RALYL: variants seen among roughly 807,000 people sequenced by gnomAD.
RALYL encodes the protein RALY RNA binding protein like.
Under a neutral mutation model 35.1 loss-of-function variants are expected in RALYL, and 29 were observed. The observed-to-expected ratio is 0.83, with a 90% CI of 0.61 to 1.13. The LOEUF is 1.13. RALYL is among the 50% of genes most tolerant of loss of function. The probability of loss-of-function intolerance (pLI) is 0.00; values close to 1 mark genes in which losing one functional copy is unlikely to be tolerated. For missense variants in RALYL, 359 were observed against 360.4 expected (o/e 1.00, Z 0.03); for synonymous variants, 120 against 127.6 (o/e 0.94, Z 0.40).
At chr8:84,437,790 C>T (rs904316991) in intron 1 of RALYL, among the ~76,000 whole-genome samples, 1 of 151,960 alleles carries the variant, frequency 6.6e-6, no homozygotes, top group African/African-American at 2.4e-5. Flanking sequence ...CTTCTCCTTC[C>T]CCCTTTCTTT....
chr8:84,803,296 T>C (rs1254897812), intron 3 of RALYL, among the ~76,000 whole-genome samples: 1 of 152,204 alleles, frequency 6.6e-6, no homozygotes, highest in African/African-American at 2.4e-5. Context: ...GTGAACAATC[T>C]CCTGCATCAT....
intron 1 of RALYL, among the ~76,000 whole-genome samples, chr8:84,221,310 C>T (rs1294261789): frequency 1.3e-5 from 2 of 151,376 alleles, no homozygotes; most frequent in Admixed American, 6.6e-5. Flanking sequence ...TGTGCATGTG[C>T]GTGCAAAGAG....
intron 1 of RALYL, among the ~76,000 whole-genome samples, chr8:84,311,053 CAAAAAAAAAAAAAAAAAAAAAAA>C (rs34029529): frequency 5.3e-4 from 5 of 9,522 alleles, no homozygotes; most frequent in Admixed American, 2.0e-3. Flanking sequence ...GACTCCGTCT[CAAAAAAAAAAAAAAAAAAAAAAA>C]AAAAAAAAAA....
chr8:84,732,798 G>A (rs1206200812), intron 2 of RALYL, among the ~76,000 whole-genome samples: 6 of 151,544 alleles, frequency 4.0e-5, no homozygotes, highest in Non-Finnish European at 8.8e-5. Context: ...CCAGATTCAA[G>A]CGATTCTCCT....
At chr8:84,778,589 C>T (rs957066207) in intron 3 of RALYL, among the ~76,000 whole-genome samples, 2 of 152,204 alleles carry the variant, frequency 1.3e-5, no homozygotes, top group African/African-American at 4.8e-5. Context: ...AAGAAGACAA[C>T]ACTTGAGCTG....
chr8:84,743,116 C>T (rs1304195229), intron 2 of RALYL, among the ~76,000 whole-genome samples: 1 of 152,018 alleles, frequency 6.6e-6, no homozygotes, highest in African/African-American at 2.4e-5. Flanking sequence ...TGCAGCGCTT[C>T]TGATAGCTGT....
intron 2 of RALYL, among the ~76,000 whole-genome samples, chr8:84,559,135 C>T (rs1343560758): frequency 9.3e-5 from 14 of 151,298 alleles, no homozygotes; most frequent in African/African-American, 3.4e-4. Flanking sequence ...TTTTAAATTA[C>T]TGAGTGATAT....
rs548832952 is a variant in RALYL at position 84,817,271 on chromosome 8, A to G, written c.365+12469A>G. On this transcript the variant is annotated intron_variant, in intron 4 of 8. Coordinates refer to ENST00000521268, the MANE Select transcript of RALYL (RefSeq NM_173848.7). ...TTCAATATACTTCTGCTGTTATGAA[A>G]ACTTTATTAAACCTTGATGTTCTTA... is the stretch of plus-strand genomic sequence containing the variant. Among the ~76,000 whole-genome samples the G allele has an allele frequency of 3.5e-3, 526 of 152,188 alleles. 3 individuals are homozygous for G. The highest frequency in any genetic ancestry group is 5.9e-3 in the Non-Finnish European group (398 of 68,012).
At chr8:84,545,811 C>A (rs941641896) in intron 2 of RALYL, among the ~76,000 whole-genome samples, 42 of 152,044 alleles carry the variant, frequency 2.8e-4, no homozygotes, top group African/African-American at 9.2e-4. Flanking sequence ...TTGTCTCTTT[C>A]TTAAGTGGTC....
intron 2 of RALYL, among the ~76,000 whole-genome samples, chr8:84,773,857 T>C (rs543113929): frequency 6.6e-6 from 1 of 152,346 alleles, no homozygotes; most frequent in Admixed American, 6.5e-5. Context: ...TACAAATGTT[T>C]ATGCATACTG....
intron 2 of RALYL, among the ~76,000 whole-genome samples, chr8:84,674,129 T>C (rs1367960603): frequency 6.6e-6 from 1 of 152,178 alleles, no homozygotes; most frequent in African/African-American, 2.4e-5. Context: ...TTATCCTTTT[T>C]GTGACAATTG....
intron 1 of RALYL, among the ~76,000 whole-genome samples, chr8:84,289,659 AAATGAAG>A (rs1563675639): frequency 6.6e-6 from 1 of 152,220 alleles, no homozygotes; most frequent in Admixed American, 6.5e-5. Context: ...ACAAATGTTT[AAATGAAG>A]AATGAAATAT....
At chr8:84,913,666 C>A (rs1379877545) in intron 8 of RALYL, among the ~76,000 whole-genome samples, 1 of 151,792 alleles carries the variant, frequency 6.6e-6, no homozygotes, top group African/African-American at 2.4e-5. Flanking sequence ...TCTGGAAATT[C>A]TTTTATAAAC....
intron 1 of RALYL, among the ~76,000 whole-genome samples, chr8:84,368,136 G>T (rs1015480789): frequency 2.6e-4 from 39 of 151,998 alleles, no homozygotes; most frequent in Non-Finnish European, 5.0e-4. Context: ...CTTCTGCTGA[G>T]AATTTGTAAC....
intron 2 of RALYL, among the ~76,000 whole-genome samples, chr8:84,582,225 G>A (rs2135986884): frequency 6.6e-6 from 1 of 152,132 alleles, no homozygotes; most frequent in South Asian, 2.1e-4. Flanking sequence ...ATTCAAATGT[G>A]TTTATAATTT....
intron 1 of RALYL, among the ~76,000 whole-genome samples, chr8:84,330,444 C>T (rs959622624): frequency 6.6e-6 from 1 of 152,132 alleles, no homozygotes; most frequent in East Asian, 1.9e-4. Context: ...CTCATCATAG[C>T]ATTGTTGATA....
chr8:84,221,146 T>C (rs1822104462), intron 1 of RALYL, among the ~76,000 whole-genome samples: 1 of 152,084 alleles, frequency 6.6e-6, no homozygotes, highest in Non-Finnish European at 1.5e-5. Context: ...GCTTCAGCTA[T>C]TAATCTGAGA....
intron 3 of RALYL, among the ~76,000 whole-genome samples, chr8:84,794,173 A>G (rs1202302697): frequency 6.6e-6 from 1 of 152,248 alleles, no homozygotes; most frequent in African/African-American, 2.4e-5. Flanking sequence ...TTGAAAATAC[A>G]TAGATCATGT....
rs574050449 is a variant in RALYL, at chr8:84,447,047, C to T, written c.-23-82252C>T. The stretch of plus-strand genomic sequence containing the variant: ...CTTAAAATGCAGTTCAGGAGTTCCC[C>T]TTTCCACCCCAGGTCCCATCAGTCC... On this transcript the variant is annotated intron_variant, in intron 1 of 8. Coordinates refer to ENST00000521268, the MANE Select transcript of RALYL (RefSeq NM_173848.7). Among the ~76,000 whole-genome samples the T allele has an allele frequency of 9.9e-5, 15 of 152,210 alleles. No individual in the cohort carries two copies. The South Asian group carries it at 3.1e-3, about 32-fold the overall frequency.
Sources: gnomAD v4.1 joint callset for allele counts (sites outside exome capture counted in the v4.1 genomes callset) on GRCh38, gnomAD v4.1.1 for gene constraint, MANE v1.5 for transcripts, NCBI Gene and HGNC (gene_info 2026-07-23, HGNC 2026-07-21) for gene names.